The following XKRX variants were observed in gnomAD, a reference collection of about 807,000 sequenced individuals.
XKRX encodes XK related X-linked.
XKRX carries 11 observed loss-of-function variants against 22.4 expected under a neutral mutation model. The ratio of observed to expected loss-of-function variants is 0.49; its 90% confidence interval spans 0.31 to 0.81. XKRX has a LOEUF of 0.81. XKRX is among the 40% of genes least tolerant of loss of function. XKRX has a pLI of 0.05. For missense variants in XKRX, 320 were observed against 336.5 expected (o/e 0.95, Z 0.38); for synonymous variants, 114 against 132.2 (o/e 0.86, Z 0.94).
At chrX:100,957,658 ATTACT>A in the XKRX span, 2 of 437,486 alleles carry the variant, frequency 4.6e-6, no homozygotes, top group Non-Finnish European at 7.9e-6. Flanking sequence ...CCTTTCTGAC[ATTACT>A]TTAGCAGTTC....
At position 100,914,913 on chromosome X, in the gene XKRX, C is replaced by T; in HGVS notation, c.775G>A (p.Val259Met). Residue 259 changes from valine (V) to methionine (M), a missense_variant, in exon 3 of 3, where the codon GTG (valine) becomes ATG (methionine). Transcript: ENST00000372956. ...LEITSRLLIL[V>M]LFSATLKLKA... ...AATTTCAAAGTGGCTGAGAAGAGCA[C>T]CAGAATCAGGAGGCGGGAAGTGATC... 4 of 1,211,617 alleles carry T rather than the reference C, an allele frequency of 3.3e-6. No individual in the cohort carries two copies. Among genetic ancestry groups the T allele is most frequent in the Non-Finnish European group, 4.5e-6 (4 of 895,509 alleles).
the XKRX span, among the ~76,000 whole-genome samples, chrX:100,941,097 G>C: frequency 2.9e-4 from 32 of 111,853 alleles, no homozygotes; most frequent in Non-Finnish European, 5.4e-4. Flanking sequence ...TCTACTGTCT[G>C]ACCCCAATTC....
chrX:100,919,003 A>G (rs1379427597), intron 2 of XKRX, among the ~76,000 whole-genome samples: 3 of 111,674 alleles, frequency 2.7e-5, no homozygotes, highest in Non-Finnish European at 5.6e-5. Context: ...CAAGAAAACT[A>G]TACAACTTTA....
the XKRX span, among the ~76,000 whole-genome samples, chrX:100,958,657 C>A: frequency 1.8e-5 from 2 of 111,544 alleles, no homozygotes; most frequent in East Asian, 5.6e-4. Flanking sequence ...AGAAATATAT[C>A]ACTTGCATAT....
At chrX:100,889,328 G>A in the XKRX span, among the ~76,000 whole-genome samples, 5 of 109,875 alleles carry the variant, frequency 4.6e-5, no homozygotes, top group African/African-American at 1.7e-4. Flanking sequence ...TACTGGAGTA[G>A]GGTAGGCTCC....
At chrX:100,941,101 C>T in the XKRX span, among the ~76,000 whole-genome samples, 18 of 111,950 alleles carry the variant, frequency 1.6e-4, 1 homozygote, top group African/African-American at 5.5e-4. Context: ...CTGTCTGACC[C>T]CAATTCTTTT....
chrX:100,953,069 A>G, the XKRX span, among the ~76,000 whole-genome samples: 2 of 112,158 alleles, frequency 1.8e-5, no homozygotes, highest in African/African-American at 6.5e-5. Context: ...TGGGAGGCCA[A>G]GGGGAGGATC....
chrX:100,925,796 AG>A (rs1046839424), intron 1 of XKRX, among the ~76,000 whole-genome samples: 3 of 112,412 alleles, frequency 2.7e-5, no homozygotes, highest in Admixed American at 9.4e-5. Context: ...TACATCACCC[AG>A]TCCAAAGATG....
chrX:100,891,648 T>C, the XKRX span, among the ~76,000 whole-genome samples: 1 of 108,578 alleles, frequency 9.2e-6, no homozygotes, highest in African/African-American at 3.4e-5. Context: ...CCCAGCACTT[T>C]GGGAGCCCGA....
chrX:100,911,595 C>A, downstream of XKRX: 1 of 461,013 alleles, frequency 2.2e-6, no homozygotes, highest in Non-Finnish European at 3.9e-6. Context: ...TGTCTGCAAT[C>A]ATCAAGAGAT....
the XKRX span, among the ~76,000 whole-genome samples, chrX:100,936,555 A>G: frequency 9.7e-6 from 1 of 102,565 alleles, no homozygotes; most frequent in South Asian, 4.5e-4. Context: ...AAAAAAAAAA[A>G]AAAAAAAAAA....
At chrX:100,923,206 C>G in intron 1 of XKRX, 145 bp from the exon 2 acceptor site, 1 of 690,285 alleles carries the variant, frequency 1.4e-6, no homozygotes, top group Non-Finnish European at 2.1e-6. Context: ...GGCTGGAGTG[C>G]AGTGGCACAA....
chrX:100,890,611 G>A, the XKRX span, among the ~76,000 whole-genome samples: 1 of 109,940 alleles, frequency 9.1e-6, no homozygotes, highest in South Asian at 4.0e-4. Context: ...CTTCTATTAC[G>A]TGATACTATT....
At chrX:100,946,456 C>G in the XKRX span, among the ~76,000 whole-genome samples, 3 of 111,381 alleles carry the variant, frequency 2.7e-5, no homozygotes, top group South Asian at 3.8e-4. Flanking sequence ...GTCAGGGTCC[C>G]AGCAGGAAAC....
chrX:100,889,709 A>G, the XKRX span, among the ~76,000 whole-genome samples: 1 of 111,688 alleles, frequency 9.0e-6, no homozygotes, highest in African/African-American at 3.3e-5. Flanking sequence ...CAGCCCCCAA[A>G]AGGAACAAAC....
In XKRX at chrX:100,914,423, C is replaced by G; in HGVS notation, c.1265G>C (p.Cys422Ser). 8.3e-7 allele frequency: 1 copy of G among 1,211,257 alleles called. No homozygotes were observed. Among genetic ancestry groups the G allele is most frequent in the Non-Finnish European group, 1.1e-6 (1 of 895,078 alleles). ...CCGAGGGTGCTGGTGACAGCAGACA[C>G]AATGGAGGTAGTCTACTACATTATG... ...FTHNVVDYLH[C>S]VCCHQHPRTR... The change falls in exon 3 of 3, where the codon TGT (cysteine) becomes TCT (serine). Residue 422 changes from cysteine to serine, a missense_variant. Transcript: ENST00000372956.
chrX:100,927,290 C>A (rs1349792413), intron 1 of XKRX, among the ~76,000 whole-genome samples: 1 of 110,462 alleles, frequency 9.1e-6, no homozygotes, highest in East Asian at 2.9e-4. Flanking sequence ...AGTGATTCTC[C>A]TGCCTCAGCC....
the XKRX span, among the ~76,000 whole-genome samples, chrX:100,943,712 G>A: frequency 2.7e-5 from 3 of 111,679 alleles, no homozygotes; most frequent in Admixed American, 2.8e-4. Context: ...CCAACAGTAT[G>A]GTTTTCATAT....
chrX:100,909,272 G>A (rs1014487858), downstream of XKRX, among the ~76,000 whole-genome samples: 23 of 112,269 alleles, frequency 2.0e-4, no homozygotes, highest in African/African-American at 6.5e-4. Flanking sequence ...CATCCCAGGC[G>A]TTTTAGGACT....
Sources: gnomAD v4.1 joint callset for allele counts (sites outside exome capture counted in the v4.1 genomes callset) on GRCh38, gnomAD v4.1.1 for gene constraint, MANE v1.5 for transcripts, NCBI Gene and HGNC (gene_info 2026-07-23, HGNC 2026-07-21) for gene names.